RYK: variants seen among roughly 807,000 people sequenced by gnomAD.
The protein encoded by RYK is inactive tyrosine-protein kinase RYK.
RYK carries 21 observed loss-of-function variants against 70.2 expected under a neutral mutation model. The observed-to-expected ratio is 0.30, with a 90% CI of 0.21 to 0.43. The LOEUF (loss-of-function observed/expected upper bound fraction) is 0.43. Ranked by LOEUF, RYK falls within the 20% of genes least tolerant of loss-of-function variation. The pLI is 1.00. For missense variants in RYK, 604 were observed against 753.3 expected, an observed-to-expected ratio of 0.80 and a Z score of 2.32; for synonymous variants, 267 against 278.0, an observed-to-expected ratio of 0.96 and a Z score of 0.39.
At chr3:134,207,670 C>T in intron 4 of RYK, 145 bp from the exon 5 acceptor site, 1 of 578,928 alleles carries the variant, frequency 1.7e-6, no homozygotes, top group Non-Finnish European at 3.0e-6. Flanking sequence ...TTCTGATAAT[C>T]ACCACTACAG....
chr3:134,170,837 C>G (rs2012875284), intron 13 of RYK: 2 of 154,538 alleles, frequency 1.3e-5, no homozygotes, highest in Non-Finnish European at 2.9e-5. Context: ...GAATTCAGAC[C>G]CTGGCATCTC....
chr3:134,228,391 C>T (rs2014966126), intron 1 of RYK, among the ~76,000 whole-genome samples: 3 of 152,158 alleles, frequency 2.0e-5, no homozygotes. Context: ...TATCTGCATT[C>T]CCATGTTTAC....
chr3:134,171,011 A>C (rs770158445), intron 13 of RYK: 5 of 152,682 alleles, frequency 3.3e-5, no homozygotes, highest in South Asian at 2.1e-4. Context: ...AGGTCCCACT[A>C]AAGTTGTCTG....
At chr3:134,184,652 C>T in intron 9 of RYK, among the ~76,000 whole-genome samples, 1 of 151,916 alleles carries the variant, frequency 6.6e-6, no homozygotes, top group East Asian at 1.9e-4. Flanking sequence ...GCAGTCCCAG[C>T]CACTGAGGGG....
At chr3:134,188,161 A>ATT (rs1333596976) in intron 9 of RYK, among the ~76,000 whole-genome samples, 27 of 44,648 alleles carry the variant, frequency 6.0e-4, no homozygotes, top group Non-Finnish European at 2.0e-3. Context: ...ATATATATAT[A>ATT]TATATATTTT....
At chr3:134,249,870 T>C (rs2015561787) in intron 1 of RYK, among the ~76,000 whole-genome samples, 1 of 149,956 alleles carries the variant, frequency 6.7e-6, no homozygotes, top group South Asian at 2.2e-4. Context: ...AGTTGGAGGC[T>C]GCCACGAACA....
intron 1 of RYK, among the ~76,000 whole-genome samples, chr3:134,243,800 A>G (rs1365283219): frequency 2.0e-5 from 3 of 152,104 alleles, no homozygotes; most frequent in Non-Finnish European, 4.4e-5. Flanking sequence ...CCCTTTCCAC[A>G]GTCAAAAGTA....
intron 13 of RYK, among the ~76,000 whole-genome samples, chr3:134,160,411 A>G (rs9843401): frequency 0.74 from 112,981 of 152,098 alleles, 42,542 homozygotes; most frequent in East Asian, 0.99. Context: ...TAAAATCTAA[A>G]CATGTTGCAT....
At chr3:134,250,313 C>A in intron 1 of RYK, 110 bp downstream of exon 1, 1 of 479,498 alleles carries the variant, frequency 2.1e-6, no homozygotes. Context: ...GCGCGGGGGG[C>A]GGGGAGGGTA....
At chr3:134,167,631 G>C (rs1206210101) in intron 13 of RYK, among the ~76,000 whole-genome samples, 4 of 152,136 alleles carry the variant, frequency 2.6e-5, no homozygotes, top group African/African-American at 4.8e-5. Context: ...ATTCAAGATG[G>C]ATTAAAGACT....
At chr3:134,179,751 C>A (rs2108154927) in intron 10 of RYK, 1 of 152,276 alleles carries the variant, frequency 6.6e-6, no homozygotes, top group African/African-American at 2.4e-5. Context: ...TTGGGCATAC[C>A]ATTAAACACT....
chr3:134,212,209 C>T (rs1240505255), intron 2 of RYK, among the ~76,000 whole-genome samples: 1 of 152,248 alleles, frequency 6.6e-6, no homozygotes, highest in Non-Finnish European at 1.5e-5. Flanking sequence ...GAAGGGAAGA[C>T]AGGCAACCCA....
At chr3:134,213,745 T>C (rs554746831) in intron 2 of RYK, among the ~76,000 whole-genome samples, 1 of 152,158 alleles carries the variant, frequency 6.6e-6, no homozygotes, top group Non-Finnish European at 1.5e-5. Flanking sequence ...TTAGGATCAC[T>C]AGGTCCTTCC....
At position 134,250,782 on chromosome 3, in the gene RYK, G is replaced by A. The variant is rs1441958299; in HGVS notation, c.-128C>T. ...CAGCTCATCGCACCGCCGGCCCGTG[G>A]CAGCCAGCAGTGGCTTCAGACCTCC... On this transcript the variant is annotated 5_prime_UTR_variant, in exon 1 of 15. Transcript: ENST00000623711. 3.6e-6 allele frequency: 1 copy of A among 276,772 alleles called. No individual in the cohort carries two copies. The highest frequency in any genetic ancestry group is 5.4e-6 in the Non-Finnish European group (1 of 183,602). 17.1% of individuals were successfully genotyped at this position (276,772 alleles called of 1,614,324 possible). A position where few individuals can be genotyped will look rare whatever the true frequency, so the allele number is the denominator to read the frequency against.
chr3:134,207,401 C>A (rs2014248049), intron 5 of RYK, 71 bp downstream of exon 5: 1 of 934,646 alleles, frequency 1.1e-6, no homozygotes, highest in Non-Finnish European at 1.6e-6. Flanking sequence ...AAGCTTCATG[C>A]AATCATGTTT....
At position 134,234,399 on chromosome 3, in the gene RYK, A is replaced by G. The variant is rs954876583; in HGVS notation, c.233-11860T>C. Among the ~76,000 whole-genome samples the G allele has an allele frequency of 2.0e-5, 3 of 152,276 alleles. No individual in the cohort carries two copies. The South Asian group carries it at 6.2e-4, about 32-fold the overall frequency. On this transcript the variant is annotated intron_variant, in intron 1 of 14. Coordinates refer to ENST00000623711, the MANE Select transcript of RYK (RefSeq NM_002958.4). Reference sequence around the variant, plus strand: ...AAATACCCAGTTAAACCAAAGAGCAAAATTTGGCAAAGTACTATAAACTGA... The same window carrying G: ...AAATACCCAGTTAAACCAAAGAGCAGAATTTGGCAAAGTACTATAAACTGA...
chr3:134,189,227 G>T (rs1465400167), intron 8 of RYK, among the ~76,000 whole-genome samples: 2 of 152,164 alleles, frequency 1.3e-5, no homozygotes, highest in East Asian at 3.8e-4. Flanking sequence ...CAGTAATGAG[G>T]TATCCACAAT....
rs1177238730 is a variant in RYK, at chr3:134,183,066, C to T, written c.1108G>A (p.Ala370Thr). 6.3e-7 allele frequency: 1 copy of T among 1,574,980 alleles called. No individual in the cohort carries two copies. Among genetic ancestry groups the T allele is most frequent in the Admixed American group, 1.8e-5 (1 of 56,344 alleles). The change falls in exon 10 of 15, where the codon GCT (alanine) becomes ACT (threonine). Residue 370 changes from alanine (A) to threonine (T), a missense_variant. Ala to Thr is a moderately conservative substitution (Grantham distance 58, BLOSUM62 0). Coordinates refer to ENST00000623711, the MANE Select transcript of RYK (RefSeq NM_002958.4). ...QAFVKTVKDQ[A>T]SEIQVTMMLT... ...ATCATTGTCACCTGAATTTCAGAAG[C>T]TTGATCTATATATAAAGAAAAGAAA...
intron 10 of RYK, chr3:134,180,830 A>G (rs2013269817): frequency 6.6e-6 from 1 of 152,230 alleles, no homozygotes; most frequent in African/African-American, 2.4e-5. Flanking sequence ...ATTAAGCATA[A>G]TCAAGCTATA....
Sources: gnomAD v4.1 joint callset for allele counts (sites outside exome capture counted in the v4.1 genomes callset) on GRCh38, gnomAD v4.1.1 for gene constraint, MANE v1.5 for transcripts, NCBI Gene and HGNC (gene_info 2026-07-23, HGNC 2026-07-21) for gene names.